The following PGCKA1 variants were observed in gnomAD, a reference collection of about 807,000 sequenced individuals.
PGCKA1 encodes the protein PDCD10 and GCKIII kinases-associated protein 1.
chr4:37,465,092 G>C, the PGCKA1 span, among the ~76,000 whole-genome samples: 8 of 152,160 alleles, frequency 5.3e-5, no homozygotes, highest in Admixed American at 5.2e-4. Flanking sequence ...ACATTTAAAA[G>C]AGAGGGCCGT....
chr4:37,466,543 A>G, the PGCKA1 span, among the ~76,000 whole-genome samples: 1 of 152,344 alleles, frequency 6.6e-6, no homozygotes, highest in African/African-American at 2.4e-5. Context: ...TGTAGGAAGA[A>G]GGCAAGACTG....
At chr4:37,484,389 T>C in the PGCKA1 span, among the ~76,000 whole-genome samples, 1 of 152,284 alleles carries the variant, frequency 6.6e-6, no homozygotes, top group African/African-American at 2.4e-5. Context: ...GAGAACAGTA[T>C]TGGGGAAACC....
chr4:37,558,596 G>T, the PGCKA1 span, among the ~76,000 whole-genome samples: 2 of 151,710 alleles, frequency 1.3e-5, no homozygotes, highest in African/African-American at 4.9e-5. Flanking sequence ...TGACAAATGG[G>T]ATCTAATTAA....
At chr4:37,582,122 G>A in the PGCKA1 span, among the ~76,000 whole-genome samples, 1 of 152,154 alleles carries the variant, frequency 6.6e-6, no homozygotes, top group East Asian at 1.9e-4. Context: ...TCCACGACAT[G>A]CAGCCACTGC....
chr4:37,504,401 G>T, the PGCKA1 span, among the ~76,000 whole-genome samples: 1 of 151,864 alleles, frequency 6.6e-6, no homozygotes, highest in African/African-American at 2.4e-5. Flanking sequence ...GGATAGCCTT[G>T]GCTACTCTAG....
At chr4:37,503,763 T>C in the PGCKA1 span, among the ~76,000 whole-genome samples, 1 of 152,214 alleles carries the variant, frequency 6.6e-6, no homozygotes, top group African/African-American at 2.4e-5. Context: ...TTGAGAAATG[T>C]TTGAGATCTT....
chr4:37,568,088 G>A, the PGCKA1 span, among the ~76,000 whole-genome samples: 3 of 152,122 alleles, frequency 2.0e-5, no homozygotes, highest in African/African-American at 4.8e-5. Context: ...CTAGGACCAG[G>A]CCCTGGCCTG....
At chr4:37,549,583 CTAA>C in the PGCKA1 span, among the ~76,000 whole-genome samples, 96 of 152,324 alleles carry the variant, frequency 6.3e-4, no homozygotes, top group African/African-American at 2.2e-3. Context: ...ACATCATTAG[CTAA>C]TAAATGCTAG....
At chr4:37,576,085 T>A in the PGCKA1 span, among the ~76,000 whole-genome samples, 3 of 152,198 alleles carry the variant, frequency 2.0e-5, no homozygotes, top group Admixed American at 2.0e-4. Context: ...CTGAGTCTTT[T>A]GTGGTTCCAC....
At chr4:37,525,100 T>C in the PGCKA1 span, among the ~76,000 whole-genome samples, 1 of 152,194 alleles carries the variant, frequency 6.6e-6, no homozygotes, top group Non-Finnish European at 1.5e-5. Context: ...CAAACGTGTG[T>C]ATGTTTCCTC....
the PGCKA1 span, among the ~76,000 whole-genome samples, chr4:37,538,854 A>G: frequency 1.3e-5 from 2 of 152,368 alleles, no homozygotes; most frequent in Admixed American, 6.5e-5. Context: ...ATGGCCTGTT[A>G]TAGTCAGCAC....
At chr4:37,592,208 CAAAAAAAAA>C in the PGCKA1 span, among the ~76,000 whole-genome samples, 1 of 93,384 alleles carries the variant, frequency 1.1e-5, no homozygotes, top group Non-Finnish European at 2.0e-5. Flanking sequence ...GACTCCATCT[CAAAAAAAAA>C]AAAAAAAAAA....
chr4:37,500,898 G>C, the PGCKA1 span, among the ~76,000 whole-genome samples: 1 of 152,042 alleles, frequency 6.6e-6, no homozygotes, highest in African/African-American at 2.4e-5. Flanking sequence ...AATCTTTCTT[G>C]TTTTAAAATC....
At chr4:37,461,087 T>TG in the PGCKA1 span, 1 of 196,718 alleles carries the variant, frequency 5.1e-6, no homozygotes, top group Non-Finnish European at 1.0e-5. Flanking sequence ...ACATATTAAA[T>TG]AGGGAATTCT....
chr4:37,548,943 T>C, the PGCKA1 span, among the ~76,000 whole-genome samples: 1 of 152,244 alleles, frequency 6.6e-6, no homozygotes, highest in Non-Finnish European at 1.5e-5. Context: ...TCCCTTCCAC[T>C]AAGGTGGTCC....
the PGCKA1 span, among the ~76,000 whole-genome samples, chr4:37,489,082 T>C: frequency 5.3e-5 from 8 of 152,152 alleles, no homozygotes; most frequent in African/African-American, 1.9e-4. Flanking sequence ...TCCTGGAAGA[T>C]TGCCGGGGCT....
At chr4:37,482,194 C>CA in the PGCKA1 span, among the ~76,000 whole-genome samples, 4 of 152,132 alleles carry the variant, frequency 2.6e-5, no homozygotes, top group African/African-American at 9.7e-5. Flanking sequence ...AATGTGGAAG[C>CA]AACTTTGGAA....
chr4:37,590,487 A>G, the PGCKA1 span: 23 of 1,613,024 alleles, frequency 1.4e-5, no homozygotes, highest in Non-Finnish European at 2.0e-5. Flanking sequence ...GCACCAGGAA[A>G]CAGGACTGTG....
At chr4:37,480,357 C>T in the PGCKA1 span, among the ~76,000 whole-genome samples, 147 of 152,268 alleles carry the variant, frequency 9.7e-4, 1 homozygote, top group African/African-American at 3.3e-3. Flanking sequence ...GCCGGGTATG[C>T]TGGCACGTGC....
Sources: gnomAD v4.1 joint callset for allele counts (sites outside exome capture counted in the v4.1 genomes callset) on GRCh38, gnomAD v4.1.1 for gene constraint, MANE v1.5 for transcripts, NCBI Gene and HGNC (gene_info 2026-07-23, HGNC 2026-07-21) for gene names.